LCORL: variants seen among roughly 807,000 people sequenced by gnomAD.
The protein encoded by LCORL is ligand dependent nuclear receptor corepressor like, also known as ligand-dependent nuclear receptor corepressor-like protein.
LCORL carries 41 observed loss-of-function variants against 141.8 expected under a neutral mutation model. The observed-to-expected ratio is 0.29, with a 90% CI of 0.23 to 0.38. The LOEUF (loss-of-function observed/expected upper bound fraction) is 0.38. Among genes scored for constraint, LCORL ranks in the 10% least tolerant of loss-of-function variants. The pLI is 1.00. For missense variants in LCORL, 1,759 were observed against 2,035.0 expected (o/e 0.86, Z 2.61); for synonymous variants, 618 against 694.1 (o/e 0.89, Z 1.72).
At chr4:17,844,398 C>T (rs1229137052) in exon 8 of LCORL, 1 of 152,268 alleles carries the variant, frequency 6.6e-6, no homozygotes, top group Admixed American at 6.6e-5. Flanking sequence ...TTTTTTTAGG[C>T]TTATCATCTA....
intron 5 of LCORL, among the ~76,000 whole-genome samples, chr4:17,887,339 G>C (rs1371788797): frequency 1.3e-5 from 2 of 152,036 alleles, no homozygotes; most frequent in Non-Finnish European, 2.9e-5. Flanking sequence ...AATTATGATA[G>C]TGCCACCCTG....
Position 17,880,905 on chromosome 4 carries a change from C to T in LCORL, c.777-2692G>A, listed in dbSNP as rs572569416. On this transcript the variant is annotated intron_variant, in intron 6 of 7. Transcript: ENST00000635767. The stretch of plus-strand genomic sequence containing the variant: ...TGCATAAATATAACTAATTGCCTAA[C>T]AATCAGTTTATATTAACAAAATCTG... 8.6e-6 allele frequency: 8 copies of T among 930,244 alleles called. No homozygotes were observed. The South Asian group carries it at 3.5e-4, about 40-fold the overall frequency. 57.6% of individuals were successfully genotyped at this position (930,244 alleles called of 1,614,324 possible).
chr4:17,964,357 TATGGATTAA>T (rs1714435565), intron 2 of LCORL, among the ~76,000 whole-genome samples: 1 of 152,110 alleles, frequency 6.6e-6, no homozygotes, highest in South Asian at 2.1e-4. Flanking sequence ...CTAACTTATT[TATGGATTAA>T]ATGAAAAAAT....
chr4:17,852,266 T>C (rs1723823284), intron 7 of LCORL, among the ~76,000 whole-genome samples: 1 of 149,850 alleles, frequency 6.7e-6, no homozygotes, highest in Non-Finnish European at 1.5e-5. Flanking sequence ...ATAGTATGTA[T>C]ACAGTGGTAC....
At chr4:17,951,320 G>C (rs556862536) in intron 4 of LCORL, among the ~76,000 whole-genome samples, 1 of 152,246 alleles carries the variant, frequency 6.6e-6, no homozygotes, top group Non-Finnish European at 1.5e-5. Flanking sequence ...AAGAAACACA[G>C]ACAATCTCTA....
chr4:17,893,097 GA>G (rs1461734301), intron 5 of LCORL: 1 of 152,050 alleles, frequency 6.6e-6, no homozygotes, highest in East Asian at 1.9e-4. Context: ...GAATTTTCAT[GA>G]ACTCAACCTT....
chr4:17,929,444 C>T (rs778714034), intron 4 of LCORL, among the ~76,000 whole-genome samples: 5 of 152,064 alleles, frequency 3.3e-5, no homozygotes, highest in Non-Finnish European at 5.9e-5. Context: ...GGAAAAGAAT[C>T]GAGTCCAAAC....
At chr4:17,925,847 GGTGACAGA>G (rs1318656034) in intron 4 of LCORL, among the ~76,000 whole-genome samples, 1 of 145,234 alleles carries the variant, frequency 6.9e-6, no homozygotes, top group African/African-American at 2.6e-5. Flanking sequence ...CTCCAGCCTG[GGTGACAGA>G]GTGACAGAGT....
intron 4 of LCORL, among the ~76,000 whole-genome samples, chr4:17,946,994 C>A (rs1738984259): frequency 1.3e-5 from 2 of 152,006 alleles, no homozygotes; most frequent in South Asian, 4.1e-4. Flanking sequence ...TATGATCCAA[C>A]AATCCCACTT....
At chr4:17,881,347 C>A (rs1237389601) in intron 6 of LCORL, 2 of 981,662 alleles carry the variant, frequency 2.0e-6, no homozygotes, top group Non-Finnish European at 2.4e-6. Flanking sequence ...TTAATAGAAT[C>A]ACTGGGGAGA....
chr4:17,939,015 C>T (rs1338018019), intron 4 of LCORL, among the ~76,000 whole-genome samples: 1 of 152,144 alleles, frequency 6.6e-6, no homozygotes, highest in African/African-American at 2.4e-5. Flanking sequence ...ATTCAACAAA[C>T]ATAAAACATT....
intron 4 of LCORL, among the ~76,000 whole-genome samples, chr4:17,931,757 T>C (rs1242151619): frequency 6.6e-6 from 1 of 152,134 alleles, no homozygotes; most frequent in Non-Finnish European, 1.5e-5. Context: ...CCATGTATAC[T>C]TGGGAAGAAA....
At chr4:17,955,585 AAGG>A (rs1039661541) in intron 4 of LCORL, among the ~76,000 whole-genome samples, 1 of 152,118 alleles carries the variant, frequency 6.6e-6, no homozygotes, top group African/African-American at 2.4e-5. Flanking sequence ...TATAAAAAGG[AAGG>A]AGAATTTTTA....
exon 5 of LCORL, chr4:17,909,314 G>A (rs959364724): frequency 6.2e-7 from 1 of 1,608,132 alleles, no homozygotes. Context: ...GAGCAACTAG[G>A]GGAATGTTAG....
chr4:18,017,730 A>G (rs983464177), intron 1 of LCORL, among the ~76,000 whole-genome samples: 1 of 152,188 alleles, frequency 6.6e-6, no homozygotes, highest in East Asian at 1.9e-4. Flanking sequence ...ATGATCCTGA[A>G]GTGGATCCCA....
chr4:17,870,999 C>T (rs1042206072), intron 7 of LCORL, among the ~76,000 whole-genome samples: 1 of 151,936 alleles, frequency 6.6e-6, no homozygotes, highest in Non-Finnish European at 1.5e-5. Context: ...ATATACACTG[C>T]CTTAGAAATT....
At chr4:17,943,745 A>G (rs997524028) in intron 4 of LCORL, among the ~76,000 whole-genome samples, 1 of 152,230 alleles carries the variant, frequency 6.6e-6, no homozygotes, top group Non-Finnish European at 1.5e-5. Flanking sequence ...GCCAGGTCAC[A>G]GGAATATAAA....
chr4:17,890,866 A>C (rs1310686823), intron 5 of LCORL, among the ~76,000 whole-genome samples: 1 of 152,066 alleles, frequency 6.6e-6, no homozygotes. Context: ...TTTCATTTAT[A>C]AACTGTTTTC....
At chr4:17,966,293 CA>C (rs1241320837) in intron 2 of LCORL, among the ~76,000 whole-genome samples, 3 of 151,936 alleles carry the variant, frequency 2.0e-5, no homozygotes, top group African/African-American at 7.2e-5. Context: ...AGAGAAAGCA[CA>C]AATTTTTAAT....
Sources: allele counts gnomAD v4.1 joint callset (sites outside exome capture counted in the v4.1 genomes callset), GRCh38; gene constraint gnomAD v4.1.1; transcripts MANE v1.5; gene names NCBI Gene and HGNC (gene_info 2026-07-23, HGNC 2026-07-21).